Variants in CDIN1 observed in about 807,000 individuals in gnomAD.
The protein encoded by CDIN1 is CDAN1 interacting nuclease 1, also known as CDAN1-interacting nuclease 1.
A neutral mutation model predicts 45.3 loss-of-function variants in CDIN1; 33 were observed. The observed-to-expected ratio is 0.73, with a 90% CI of 0.55 to 0.97. The LOEUF (loss-of-function observed/expected upper bound fraction) is 0.97. Ranked by LOEUF, CDIN1 falls within the 50% of genes least tolerant of loss-of-function variation. CDIN1 has a pLI of 0.00. For missense variants in CDIN1, 303 were observed against 339.4 expected (o/e 0.89, Z 0.84); for synonymous variants, 118 against 124.4 (o/e 0.95, Z 0.34).
At chr15:36,722,303 A>ATCTCTCTCTCTCTCTC (rs5811928) in intron 10 of CDIN1, among the ~76,000 whole-genome samples, 2,118 of 140,636 alleles carry the variant, frequency 0.015, 56 homozygotes, top group African/African-American at 0.032. Context: ...TTCTTTTGAG[A>ATCTCTCTCTCTCTCTC]TCTCTCTCTC....
At position 36,617,108 on chromosome 15, in the gene CDIN1, A is replaced by G. The variant is rs2038932916; in HGVS notation, c.102-27170A>G. Reference sequence around the variant, plus strand: ...GACGACATGTTGTTTTTCGTGGAGCAGGTAACATCTAAAGGAACTGGTTTA... The same window carrying G: ...GACGACATGTTGTTTTTCGTGGAGCGGGTAACATCTAAAGGAACTGGTTTA... On this transcript the variant is annotated intron_variant, in intron 1 of 10. Transcript: ENST00000566621. 3 of 881,948 alleles carry G rather than the reference A, an allele frequency of 3.4e-6. No homozygotes were observed. The East Asian group carries it at 7.2e-5, about 21-fold the overall frequency. The allele number at this position is 881,948 out of a possible 1,614,324, so 54.6% of individuals were successfully genotyped here.
chr15:36,703,351 C>CTGATATACAT (rs2042728138), intron 8 of CDIN1, among the ~76,000 whole-genome samples: 12 of 51,824 alleles, frequency 2.3e-4, no homozygotes, highest in African/African-American at 1.3e-3. Context: ...CAGATATATA[C>CTGATATACAT]ATATATCAGA....
At chr15:36,696,946 TAAAAAAA>T (rs1163749494) in intron 7 of CDIN1, among the ~76,000 whole-genome samples, 3 of 92,256 alleles carry the variant, frequency 3.3e-5, no homozygotes, top group African/African-American at 8.5e-5. Context: ...ATTCCATTTC[TAAAAAAA>T]AAAAAAAAAA....
intron 1 of CDIN1, among the ~76,000 whole-genome samples, chr15:36,583,279 C>A (rs2037131398): frequency 6.6e-6 from 1 of 151,848 alleles, no homozygotes. Context: ...ATTTTTAAAT[C>A]TTTCTGGCTG....
At chr15:36,669,567 A>G (rs563292707) in intron 5 of CDIN1, among the ~76,000 whole-genome samples, 1 of 56,806 alleles carries the variant, frequency 1.8e-5, no homozygotes, top group South Asian at 7.3e-4. Flanking sequence ...TGTCAACACT[A>G]AGAAACCCTC....
intron 8 of CDIN1, 32 bp downstream of exon 8, chr15:36,697,422 G>T (rs1237960652): frequency 6.5e-7 from 1 of 1,539,386 alleles, no homozygotes; most frequent in Non-Finnish European, 8.9e-7. Flanking sequence ...TCTAGCTTGT[G>T]TTGTCTCCCT....
At chr15:36,702,403 A>G (rs561641420) in intron 8 of CDIN1, among the ~76,000 whole-genome samples, 1 of 152,240 alleles carries the variant, frequency 6.6e-6, no homozygotes, top group African/African-American at 2.4e-5. Flanking sequence ...TGGAAGATGA[A>G]ATGCTTTCTG....
chr15:36,745,172 AT>A (rs2044376748), intron 10 of CDIN1, among the ~76,000 whole-genome samples: 1 of 152,170 alleles, frequency 6.6e-6, no homozygotes, highest in Non-Finnish European at 1.5e-5. Flanking sequence ...TTTTCCAAGC[AT>A]TTGTAGAGCT....
At chr15:36,777,062 A>G (rs922032245) in intron 10 of CDIN1, among the ~76,000 whole-genome samples, 1 of 152,138 alleles carries the variant, frequency 6.6e-6, no homozygotes, top group African/African-American at 2.4e-5. Context: ...TGAATTTGAT[A>G]TTTACTGGGG....
At chr15:36,760,020 C>T (rs531933418) in intron 10 of CDIN1, among the ~76,000 whole-genome samples, 3 of 152,180 alleles carry the variant, frequency 2.0e-5, no homozygotes, top group Admixed American at 1.3e-4. Flanking sequence ...TATCAGGCAT[C>T]ACACTGTATA....
In CDIN1 at chr15:36,705,125, A is replaced by T. The variant is rs76054487; in HGVS notation, c.545-4098A>T. The T allele has an allele frequency of 2.7e-4, 41 of 152,154 alleles. No homozygotes were observed. The East Asian group carries it at 6.4e-3, about 24-fold the overall frequency. 9.4% of individuals were successfully genotyped at this position (152,154 alleles called of 1,614,324 possible). On this transcript the variant is annotated intron_variant, in intron 8 of 10. Coordinates refer to ENST00000566621, the MANE Select transcript of CDIN1 (RefSeq NM_001321759.2). ...CTTTATGCGTCTGTAATTTCTTTTT[A>T]AAAAATGCCCTCTAAAGACAGTCCT...
intron 1 of CDIN1, chr15:36,594,725 G>A (rs1192379550): frequency 6.3e-6 from 1 of 159,858 alleles, no homozygotes; most frequent in East Asian, 1.9e-4. Flanking sequence ...TAAGGTTGAG[G>A]TGAATGGCAG....
Position 36,617,772 on chromosome 15 carries a change from G to A in CDIN1, c.102-26506G>A, listed in dbSNP as rs909961781. ...ATTGAAAACTGCCCCAAAGTGATAA[G>A]TTGTGAGTTTGCACACAGTAGCAGC... is the stretch of plus-strand genomic sequence containing the variant. On this transcript the variant is annotated intron_variant, in intron 1 of 10. Transcript: ENST00000566621. The A allele has an allele frequency of 3.7e-6, 3 of 814,582 alleles. No homozygotes were observed. The African/African-American group carries it at 5.1e-5, about 14-fold the overall frequency. 50.5% of individuals were successfully genotyped at this position (814,582 alleles called of 1,614,324 possible). A position where few individuals can be genotyped will look rare whatever the true frequency, so the allele number is the denominator to read the frequency against.
chr15:36,714,610 G>A (rs1294448994), intron 10 of CDIN1, among the ~76,000 whole-genome samples: 3 of 152,100 alleles, frequency 2.0e-5, no homozygotes, highest in South Asian at 2.1e-4. Context: ...TCCAGGCTCC[G>A]TGTGTCAGTG....
At chr15:36,588,176 A>G (rs1479286358) in intron 1 of CDIN1, among the ~76,000 whole-genome samples, 1 of 152,202 alleles carries the variant, frequency 6.6e-6, no homozygotes, top group African/African-American at 2.4e-5. Flanking sequence ...TATCAGTTGA[A>G]TATTGTATCG....
At chr15:36,706,849 A>G (rs2042885032) in intron 8 of CDIN1, 1 of 152,114 alleles carries the variant, frequency 6.6e-6, no homozygotes, top group Admixed American at 6.6e-5. Flanking sequence ...TTAAGAAAGG[A>G]AATTATTGTC....
At position 36,617,466 on chromosome 15, in the gene CDIN1, A is replaced by C. The variant is rs2038947945; in HGVS notation, c.102-26812A>C. 5 of 960,774 alleles carry C rather than the reference A, an allele frequency of 5.2e-6. No homozygotes were observed. In the Admixed American group the frequency reaches 6.8e-5, roughly 13 times the overall value. The allele number at this position is 960,774 out of a possible 1,614,324, so 59.5% of individuals were successfully genotyped here. The stretch of plus-strand genomic sequence containing the variant: ...ACCTAAAAGAATGTCTAAAGAAACA[A>C]TTAGAATTCTGGTTTTCACGAGAAA... On this transcript the variant is annotated intron_variant, in intron 1 of 10. Transcript: ENST00000566621.
At chr15:36,611,053 C>T (rs998270839) in intron 1 of CDIN1, among the ~76,000 whole-genome samples, 2 of 152,134 alleles carry the variant, frequency 1.3e-5, no homozygotes, top group African/African-American at 4.8e-5. Context: ...TTATGTTACC[C>T]AAATTATCTG....
intron 1 of CDIN1, among the ~76,000 whole-genome samples, chr15:36,592,469 C>T (rs2037625257): frequency 6.6e-6 from 1 of 152,206 alleles, no homozygotes; most frequent in Non-Finnish European, 1.5e-5. Flanking sequence ...TACCTTATGG[C>T]TCCAAGGGAT....
Sources: allele counts gnomAD v4.1 joint callset (sites outside exome capture counted in the v4.1 genomes callset), GRCh38; gene constraint gnomAD v4.1.1; transcripts MANE v1.5; gene names NCBI Gene and HGNC (gene_info 2026-07-23, HGNC 2026-07-21).